Variants in INSL6 observed in about 807,000 individuals in gnomAD.
The protein encoded by INSL6 is insulin like 6.
Under a neutral mutation model 9.4 loss-of-function variants are expected in INSL6, and 16 were observed. The observed-to-expected ratio is 1.70, with a 90% CI of 1.15 to 2.59. INSL6 has a LOEUF of 2.59. INSL6 is among the 30% of genes most tolerant of loss of function. INSL6 has a pLI of 0.00. For missense variants in INSL6, 391 were observed against 257.3 expected (o/e 1.52, Z -3.56); for synonymous variants, 154 against 96.9 (o/e 1.59, Z -3.46).
chr9:5,001,338 T>C, the INSL6 span, among the ~76,000 whole-genome samples: 2 of 152,194 alleles, frequency 1.3e-5, no homozygotes, highest in African/African-American at 4.8e-5. Flanking sequence ...AGATGATCTT[T>C]ATTTTATTGA....
the INSL6 span, among the ~76,000 whole-genome samples, chr9:5,086,631 T>G: frequency 6.6e-6 from 1 of 152,364 alleles, no homozygotes; most frequent in Middle Eastern, 3.4e-3. Flanking sequence ...CCCAAAGTTA[T>G]GATTATGTTA....
chr9:5,139,209 T>C (rs1225101852), intron 2 of INSL6, among the ~76,000 whole-genome samples: 2 of 152,162 alleles, frequency 1.3e-5, no homozygotes, highest in East Asian at 3.8e-4. Flanking sequence ...ATTGGAGGCA[T>C]TCTAATGGGT....
chr9:5,098,096 A>C, the INSL6 span: 2 of 152,210 alleles, frequency 1.3e-5, no homozygotes, highest in South Asian at 4.1e-4. Context: ...TGTTTCGAAA[A>C]GAAAAACTAT....
intron 1 of INSL6, among the ~76,000 whole-genome samples, chr9:5,172,608 T>A (rs971672230): frequency 6.6e-6 from 1 of 151,954 alleles, no homozygotes; most frequent in Non-Finnish European, 1.5e-5. Flanking sequence ...TTAAACAAAT[T>A]TACAAGAAAA....
the INSL6 span, among the ~76,000 whole-genome samples, chr9:5,048,433 A>G: frequency 6.6e-6 from 1 of 152,038 alleles, no homozygotes; most frequent in Non-Finnish European, 1.5e-5. Flanking sequence ...GAGCCACTGC[A>G]CCCAGCCCAT....
chr9:5,058,901 T>C, the INSL6 span, among the ~76,000 whole-genome samples: 1 of 152,230 alleles, frequency 6.6e-6, no homozygotes, highest in South Asian at 2.1e-4. Flanking sequence ...TGCTGAATTA[T>C]AGAAATTATT....
chr9:5,110,984 T>C, the INSL6 span: 17 of 638,248 alleles, frequency 2.7e-5, no homozygotes, highest in South Asian at 1.2e-4. Context: ...TTCAGCATGA[T>C]GTTCCCGCTG....
chr9:5,094,970 C>CAT, the INSL6 span: 1 of 152,148 alleles, frequency 6.6e-6, no homozygotes, highest in Non-Finnish European at 1.5e-5. Context: ...TAGCATTCTG[C>CAT]ATATATCTCA....
At chr9:5,123,031 C>T (rs371960967), downstream of INSL6, 15 of 1,610,682 alleles carry the variant, frequency 9.3e-6, no homozygotes, top group Non-Finnish European at 1.3e-5. Flanking sequence ...TGACAGAGAG[C>T]AAGTTTTCTG....
chr9:5,128,145 T>A (rs1824126539), intron 3 of INSL6: 1 of 231,946 alleles, frequency 4.3e-6, no homozygotes, highest in Non-Finnish European at 8.5e-6. Context: ...CTTAAAATAC[T>A]TGCTGTTTTG....
the INSL6 span, among the ~76,000 whole-genome samples, chr9:5,030,614 A>G: frequency 6.6e-6 from 1 of 152,200 alleles, no homozygotes; most frequent in Non-Finnish European, 1.5e-5. Context: ...ATTGGGAGTC[A>G]GGTTCAAATC....
chr9:5,072,541 G>T, the INSL6 span: 106 of 1,608,098 alleles, frequency 6.6e-5, no homozygotes, highest in Middle Eastern at 5.0e-4. Flanking sequence ...AAAGGCGTAC[G>T]AAGAGAAGTA....
chr9:5,023,919 A>G, the INSL6 span, among the ~76,000 whole-genome samples: 1 of 151,320 alleles, frequency 6.6e-6, no homozygotes. Flanking sequence ...AAGATTTTTT[A>G]GCTTGTAAGA....
the INSL6 span, among the ~76,000 whole-genome samples, chr9:5,084,296 T>C: frequency 6.6e-6 from 1 of 152,170 alleles, no homozygotes. Flanking sequence ...CTTTCATCTT[T>C]GTTTGTTTGA....
At chr9:5,077,589 T>A in the INSL6 span, 1 of 1,458,400 alleles carries the variant, frequency 6.9e-7, no homozygotes, top group Non-Finnish European at 9.1e-7. Context: ...TAGTAAGTAG[T>A]ACAACCTTTT....
chr9:5,164,547 C>G (rs544365926), intron 1 of INSL6, among the ~76,000 whole-genome samples: 2 of 152,278 alleles, frequency 1.3e-5, no homozygotes, highest in East Asian at 3.9e-4. Context: ...TTCAGTGGGT[C>G]TTAGTATATT....
At chr9:5,022,568 T>C in the INSL6 span, among the ~76,000 whole-genome samples, 2 of 152,232 alleles carry the variant, frequency 1.3e-5, no homozygotes, top group African/African-American at 4.8e-5. Context: ...TTTTGAAATA[T>C]GTATTTGATT....
At chr9:5,175,291 G>C (rs1198071990) in intron 1 of INSL6, among the ~76,000 whole-genome samples, 1 of 152,020 alleles carries the variant, frequency 6.6e-6, no homozygotes, top group East Asian at 1.9e-4. Flanking sequence ...AATATGGCCC[G>C]TGTATAACTA....
chr9:5,156,138 A>C (rs1824811602), intron 2 of INSL6, among the ~76,000 whole-genome samples: 1 of 132,470 alleles, frequency 7.5e-6, no homozygotes, highest in African/African-American at 3.1e-5. Flanking sequence ...AATTTCTTAA[A>C]AGGAAAAAAA....
Sources: gnomAD v4.1 joint callset for allele counts (sites outside exome capture counted in the v4.1 genomes callset) on GRCh38, gnomAD v4.1.1 for gene constraint, MANE v1.5 for transcripts, NCBI Gene and HGNC (gene_info 2026-07-23, HGNC 2026-07-21) for gene names.